The following NGEF variants were observed in gnomAD, a reference collection of about 807,000 sequenced individuals.
The protein encoded by NGEF is neuronal guanine nucleotide exchange factor, also known as ephexin-1.
A neutral mutation model predicts 80.9 loss-of-function variants in NGEF; 31 were observed. The observed-to-expected ratio is 0.38, with a 90% confidence interval of 0.29 to 0.52. The LOEUF is 0.52. Ranked by LOEUF, NGEF falls within the 20% of genes least tolerant of loss-of-function variation. The probability of loss-of-function intolerance (pLI) is 0.84; values close to 1 mark genes in which losing one functional copy is unlikely to be tolerated. For synonymous variants in NGEF, 371 were observed against 370.2 expected, an observed-to-expected ratio of 1.00 and a Z score of -0.03; for missense variants, 709 against 926.2, an observed-to-expected ratio of 0.77 and a Z score of 3.04.
At chr2:232,911,497 T>G (rs1404733116) in intron 5 of NGEF, among the ~76,000 whole-genome samples, 1 of 152,238 alleles carries the variant, frequency 6.6e-6, no homozygotes, top group Non-Finnish European at 1.5e-5. Context: ...CTAGTTATCT[T>G]GCCTTTTCTG....
At chr2:232,881,274 C>T (rs1377047176) in intron 13 of NGEF, 24 bp from the exon 14 acceptor site, 4 of 1,580,600 alleles carry the variant, frequency 2.5e-6, no homozygotes, top group Non-Finnish European at 2.6e-6. Context: ...GGCACGGGCA[C>T]ATCCCCACCA....
intron 5 of NGEF, among the ~76,000 whole-genome samples, chr2:232,902,748 C>A (rs1692391285): frequency 6.6e-6 from 1 of 152,186 alleles, no homozygotes; most frequent in African/African-American, 2.4e-5. Flanking sequence ...CACCTGTAAT[C>A]CCAATACTTT....
chr2:232,995,729 T>C (rs547189265), intron 1 of NGEF, among the ~76,000 whole-genome samples: 98 of 145,808 alleles, frequency 6.7e-4, no homozygotes, highest in Non-Finnish European at 1.3e-3. Flanking sequence ...TAATATATTA[T>C]ACATATACAT....
At chr2:232,883,642 C>T (rs1296074247) in intron 11 of NGEF, among the ~76,000 whole-genome samples, 176 bp from the exon 12 acceptor site, 7 of 152,162 alleles carry the variant, frequency 4.6e-5, no homozygotes, top group Admixed American at 4.6e-4. Flanking sequence ...GTGACCCATC[C>T]CAGGTGCGGA....
At chr2:232,997,591 C>G (rs571646218) in intron 1 of NGEF, among the ~76,000 whole-genome samples, 3 of 152,174 alleles carry the variant, frequency 2.0e-5, no homozygotes, top group African/African-American at 7.2e-5. Context: ...ACTCCCTATT[C>G]TCCCTCAGAA....
At chr2:232,972,319 G>A (rs1448452504) in intron 2 of NGEF, among the ~76,000 whole-genome samples, 3 of 152,156 alleles carry the variant, frequency 2.0e-5, no homozygotes, top group African/African-American at 4.8e-5. Context: ...TTTTTATGTT[G>A]ATTATTAACT....
At chr2:232,993,824 C>G (rs75687631) in intron 1 of NGEF, among the ~76,000 whole-genome samples, 2,628 of 152,196 alleles carry the variant, frequency 0.017, 72 homozygotes, top group African/African-American at 0.06. Flanking sequence ...GGGAGGACCA[C>G]ATATTGTATG....
intron 3 of NGEF, among the ~76,000 whole-genome samples, chr2:232,950,273 A>T (rs1236089219): frequency 2.6e-5 from 4 of 152,180 alleles, no homozygotes; most frequent in African/African-American, 9.7e-5. Context: ...TAATTTCAGC[A>T]ATGCTTGTGT....
intron 8 of NGEF, chr2:232,891,069 C>T (rs1691867632): frequency 1.3e-5 from 7 of 534,664 alleles, no homozygotes; most frequent in Admixed American, 6.8e-5. Flanking sequence ...CCGCCCCCAT[C>T]GCTGCAACTG....
chr2:232,942,262 G>T (rs1446577857), intron 3 of NGEF, among the ~76,000 whole-genome samples: 7 of 152,202 alleles, frequency 4.6e-5, no homozygotes, highest in Non-Finnish European at 1.0e-4. Context: ...TTATTGGGAA[G>T]TTAACTCTCT....
chr2:233,010,989 G>A (rs993663313), intron 1 of NGEF, among the ~76,000 whole-genome samples: 5 of 152,232 alleles, frequency 3.3e-5, no homozygotes, highest in African/African-American at 1.2e-4. Context: ...GAGAAGGGGG[G>A]TCTGAAAAGA....
At chr2:232,893,088 G>C (rs373289959) in intron 6 of NGEF, 38 bp from the exon 7 acceptor site, 7 of 1,591,004 alleles carry the variant, frequency 4.4e-6, no homozygotes, top group African/African-American at 1.3e-5. Context: ...GGGTGCCCGG[G>C]GGGTAGGGTG....
chr2:232,974,982 A>G lies in NGEF; in HGVS notation c.-74-18T>C. ...TTTGAGTGCTTTAGAATAGATAGAA[A>G]ACAATTTTCAGTTAGTCATCAGGCT... On this transcript the variant is annotated intron_variant, in intron 1 of 14. Transcript: ENST00000264051. 1 of 1,319,776 alleles carries G rather than the reference A, an allele frequency of 7.6e-7. No homozygotes were observed. The highest frequency in any genetic ancestry group is 1.0e-6 in the Non-Finnish European group (1 of 960,938). 81.8% of individuals were successfully genotyped at this position (1,319,776 alleles called of 1,614,324 possible). A position where few individuals can be genotyped will look rare whatever the true frequency, so the allele number is the denominator to read the frequency against.
Position 232,879,043 on chromosome 2 carries a change from T to G in NGEF, c.*446A>C, listed in dbSNP as rs989589004. On this transcript the variant is annotated 3_prime_UTR_variant, in exon 15 of 15. Coordinates refer to ENST00000264051, the MANE Select transcript of NGEF (RefSeq NM_019850.3). ...TCCGTCAGGCAAGGGCGGCCTCATCTGTGCCTGGTAGATTCTAACTGCTTC... is the reference window on the plus strand; with the variant it reads ...TCCGTCAGGCAAGGGCGGCCTCATCGGTGCCTGGTAGATTCTAACTGCTTC... 1 of 154,534 alleles carries G rather than the reference T, an allele frequency of 6.5e-6. No individual in the cohort carries two copies. The allele number at this position is 154,534 out of a possible 1,614,324, so 9.6% of individuals were successfully genotyped here. A position where few individuals can be genotyped will look rare whatever the true frequency, so the allele number is the denominator to read the frequency against.
intron 4 of NGEF, among the ~76,000 whole-genome samples, chr2:232,922,962 C>T (rs1030571134): frequency 7.2e-5 from 11 of 151,836 alleles, no homozygotes; most frequent in South Asian, 2.1e-4. Flanking sequence ...CCCAGCTACT[C>T]GGGAGGCTGA....
rs972046005 is a variant in NGEF, at chr2:232,879,693, G to A, written c.1943-14C>T. ...CAAAGATCCACCCTGTGCAGGGAGG[G>A]GAGGGAGAGAAGGTCAGTGCTCCTG... On this transcript the variant is annotated splice_polypyrimidine_tract_variant and intron_variant, in intron 14 of 14. Coordinates refer to ENST00000264051, the MANE Select transcript of NGEF (RefSeq NM_019850.3). 1 of 1,602,654 alleles carries A rather than the reference G, an allele frequency of 6.2e-7. No individual in the cohort carries two copies. Among genetic ancestry groups the A allele is most frequent in the African/African-American group, 1.3e-5 (1 of 74,778 alleles).
chr2:232,898,972 ATGTG>A (rs372205693), intron 5 of NGEF, among the ~76,000 whole-genome samples: 2 of 148,900 alleles, frequency 1.3e-5, no homozygotes, highest in Admixed American at 1.3e-4. Context: ...GTGTGAATGC[ATGTG>A]TGTGTGTGAA....
At chr2:232,953,206 G>A (rs2106307482) in intron 3 of NGEF, among the ~76,000 whole-genome samples, 1 of 147,392 alleles carries the variant, frequency 6.8e-6, no homozygotes, top group South Asian at 2.1e-4. Context: ...GGAGACTGAA[G>A]CAGGAGAATC....
At chr2:232,896,556 GGGTAGGGGTGAGGGTGAA>G (rs1692071123) in intron 5 of NGEF, among the ~76,000 whole-genome samples, 5 of 110,990 alleles carry the variant, frequency 4.5e-5, no homozygotes, top group African/African-American at 3.5e-5. Flanking sequence ...GGTGAGGGTG[GGGTAGGGGTGAGGGTGAA>G]GGTAGGGGTG....
Sources: gnomAD v4.1 joint callset for allele counts (sites outside exome capture counted in the v4.1 genomes callset) on GRCh38, gnomAD v4.1.1 for gene constraint, MANE v1.5 for transcripts, NCBI Gene and HGNC (gene_info 2026-07-23, HGNC 2026-07-21) for gene names.